CLCNKA: variants seen among roughly 807,000 people sequenced by gnomAD.
The protein encoded by CLCNKA is chloride channel protein ClC-Ka.
In CLCNKA, 66 loss-of-function variants were observed where a neutral mutation model predicts 83.3. The ratio of observed to expected loss-of-function variants is 0.79; its 90% confidence interval spans 0.65 to 0.97. The LOEUF (loss-of-function observed/expected upper bound fraction) is 0.97. Among genes scored for constraint, CLCNKA ranks in the 50% least tolerant of loss-of-function variants. The pLI is 0.00. For synonymous variants in CLCNKA, 357 were observed against 370.4 expected, an observed-to-expected ratio of 0.96 and a Z score of 0.42; for missense variants, 806 against 888.7, an observed-to-expected ratio of 0.91 and a Z score of 1.18.
chr1:16,027,987 G>A (rs2022439319), intron 9 of CLCNKA, 31 bp from the exon 10 acceptor site: 1 of 1,613,862 alleles, frequency 6.2e-7, no homozygotes, highest in Admixed American at 1.7e-5. Context: ...ACTGGGGTCA[G>A]GCTCTGGTCT....
intron 14 of CLCNKA, 124 bp from the exon 15 acceptor site, chr1:16,030,337 C>A (rs577915235): frequency 1.6e-6 from 2 of 1,243,340 alleles, no homozygotes; most frequent in Non-Finnish European, 2.3e-6. Flanking sequence ...CCCACAGTGC[C>A]CAGGCTGTGG....
chr1:16,029,883 G>T lies in CLCNKA; in HGVS notation c.1298-82G>T, dbSNP rs2124047457. On this transcript the variant is annotated intron_variant, in intron 13 of 19. Coordinates refer to ENST00000331433, the MANE Select transcript of CLCNKA (RefSeq NM_004070.4). The stretch of plus-strand genomic sequence containing the variant: ...ATCCTGGTTCACCCTCTTCCCGGGT[G>T]GTACTAAGGATGGTCCTCAGGGATG... 4 of 1,604,138 alleles carry T rather than the reference G, an allele frequency of 2.5e-6. No individual in the cohort carries two copies. In the East Asian group the frequency reaches 8.9e-5, roughly 36 times the overall value.
chr1:16,030,242 C>T (rs2022568951), intron 14 of CLCNKA, among the ~76,000 whole-genome samples, 167 bp downstream of exon 14: 2 of 152,176 alleles, frequency 1.3e-5, no homozygotes, highest in Non-Finnish European at 2.9e-5. Context: ...TCCCCGGGGC[C>T]CATCACTTCC....
Position 16,032,226 on chromosome 1 carries a change from G to A in CLCNKA, c.1780G>A (p.Val594Met), listed in dbSNP as rs750849269. 25 of 1,612,436 alleles carry A rather than the reference G, an allele frequency of 1.6e-5. No homozygotes were observed. Among genetic ancestry groups the A allele is most frequent in the East Asian group, 1.3e-4 (6 of 44,864 alleles). ...AGAGTCCCAGATCCTGGTAGGCATC[G>A]TGCAGAGGGCCCAGCTGGTGCAGGC... ...STESQILVGI[V>M]QRAQLVQALQ... The change falls in exon 17 of 20, where the codon GTG becomes ATG. Residue 594 changes from valine to methionine, a missense_variant. Transcript: ENST00000331433.
chr1:16,023,674 C>T, intron 2 of CLCNKA, 126 bp from the exon 3 acceptor site: 1 of 1,108,628 alleles, frequency 9.0e-7, no homozygotes, highest in Non-Finnish European at 1.3e-6. Flanking sequence ...AGGCGGGGCC[C>T]CCTCAGGACT....
chr1:16,031,129 C>T lies in CLCNKA; in HGVS notation c.1622+455C>T, dbSNP rs548750920. 1.1e-4 allele frequency among the ~76,000 whole-genome samples: 17 copies of T among 152,328 alleles called. No homozygotes were observed. The East Asian group carries it at 3.3e-3, about 29-fold the overall frequency. On this transcript the variant is annotated intron_variant, in intron 15 of 19. Coordinates refer to ENST00000331433, the MANE Select transcript of CLCNKA (RefSeq NM_004070.4). ...CTCACTCAACCAGATAGGACCAGAG[C>T]AGCTTCTGGCGCCAGAAAAGCAGAC...
chr1:16,029,390 G>T, intron 12 of CLCNKA, 91 bp downstream of exon 12: 1 of 1,575,520 alleles, frequency 6.3e-7, no homozygotes, highest in Non-Finnish European at 8.7e-7. Flanking sequence ...GTGGCATGGA[G>T]CCCAGGCCTC....
chr1:16,033,241 C>G lies in CLCNKA; in HGVS notation c.2001C>G (p.Cys667Trp), dbSNP rs762137628. 1.2e-6 allele frequency: 2 copies of G among 1,613,972 alleles called. No homozygotes were observed. The highest frequency in any genetic ancestry group is 1.7e-4 in the Middle Eastern group (1 of 6,058). ...FVTSRGRAVG[C>W]VSWVEMKKAI... ...CATCGCGGGGCAGAGCTGTGGGCTGCGTGTCCTGGGTGGAGGTACCAGGGT... is the reference window on the plus strand; with the variant it reads ...CATCGCGGGGCAGAGCTGTGGGCTGGGTGTCCTGGGTGGAGGTACCAGGGT... Residue 667 changes from cysteine (C) to tryptophan (W), a missense_variant, in exon 19 of 20, where the codon TGC becomes TGG. By Grantham distance (215) the Cys-to-Trp change is radical (BLOSUM62 -2). Transcript: ENST00000331433.
chr1:16,031,665 G>C (rs1342380018), intron 15 of CLCNKA, 45 bp from the exon 16 acceptor site: 13 of 1,613,028 alleles, frequency 8.1e-6, no homozygotes, highest in Non-Finnish European at 1.1e-5. Context: ...GCCTGGGTCT[G>C]ACATCCCCGA....
chr1:16,030,605 C>T lies in CLCNKA; in HGVS notation c.1553C>T (p.Ser518Phe). 6.2e-7 allele frequency: 1 copy of T among 1,613,106 alleles called. No individual in the cohort carries two copies. The highest frequency in any genetic ancestry group is 8.5e-7 in the Non-Finnish European group (1 of 1,180,040). Residue 518 changes from serine to phenylalanine, a missense_variant, in exon 15 of 20, where the codon TCC becomes TTC. Transcript: ENST00000331433. ...ANAIAQSCQPSFYDGTIIVKK... is the reference protein window; with the variant it reads ...ANAIAQSCQPFFYDGTIIVKK... Reference sequence around the variant, plus strand: ...GCCATTGCACAGAGCTGCCAGCCCTCCTTCTATGATGGCACCATCATTGTC... The same window carrying T: ...GCCATTGCACAGAGCTGCCAGCCCTTCTTCTATGATGGCACCATCATTGTC...
intron 3 of CLCNKA, 69 bp from the exon 4 acceptor site, chr1:16,024,694 G>A (rs2022274379): frequency 4.4e-6 from 7 of 1,602,372 alleles, no homozygotes; most frequent in Middle Eastern, 4.0e-4. Context: ...CAGTAAGTGG[G>A]CACCACAGTG....
chr1:16,029,964 G>C lies in CLCNKA; in HGVS notation c.1298-1G>C. 1.2e-6 allele frequency: 2 copies of C among 1,610,570 alleles called. No homozygotes were observed. Among genetic ancestry groups the C allele is most frequent in the Non-Finnish European group, 1.7e-6 (2 of 1,177,044 alleles). ...CCCCCTCACCCTAAGTCTGTGGCCA[G>C]GAGCTGCCATCGGGCGCCTCTTGGG... On this transcript the variant is annotated splice_acceptor_variant, in intron 13 of 19. Coordinates refer to ENST00000331433, the MANE Select transcript of CLCNKA (RefSeq NM_004070.4). LOFTEE classifies it high-confidence loss of function.
At chr1:16,032,597 T>G in intron 18 of CLCNKA, 71 bp downstream of exon 18, 4 of 1,223,146 alleles carry the variant, frequency 3.3e-6, no homozygotes, top group Non-Finnish European at 4.8e-6. Flanking sequence ...GAGCTCAGGC[T>G]CCAGCCTCCC....
rs17855678 is a variant in CLCNKA, at chr1:16,023,900, G to T, written c.201G>T (p.Met67Ile). 6.2e-7 allele frequency: 1 copy of T among 1,614,072 alleles called. No individual in the cohort carries two copies. Among genetic ancestry groups the T allele is most frequent in the Admixed American group, 1.7e-5 (1 of 60,008 alleles). ...TCATGGCCCTGGTCAGCTATGCCAT[G>T]AACTTTGCCATCGGGTGTGTGGTCC... ...GVLMALVSYA[M>I]NFAIGCVVRA... The change falls in exon 3 of 20, where the codon ATG becomes ATT. Residue 67 changes from methionine (M) to isoleucine (I), a missense_variant. Physicochemically the swap from Met to Ile is conservative, Grantham distance 10. Coordinates refer to ENST00000331433, the MANE Select transcript of CLCNKA (RefSeq NM_004070.4).
rs2022520318 is a variant in CLCNKA at position 16,029,387 on chromosome 1, G to A, written c.1227+88G>A. ...GGTGCCTCCCTGCACCTGGTGGCAT[G>A]GAGCCCAGGCCTCTCACCCACACTT... On this transcript the variant is annotated intron_variant, in intron 12 of 19. Transcript: ENST00000331433. 5 of 1,585,742 alleles carry A rather than the reference G, an allele frequency of 3.2e-6. No individual in the cohort carries two copies. The Admixed American group carries it at 6.9e-5, about 22-fold the overall frequency.
In CLCNKA at chr1:16,022,697, C is replaced by T; in HGVS notation, c.78C>T (p.Pro26=). The T allele has an allele frequency of 6.5e-7, 1 of 1,546,686 alleles. No individual in the cohort carries two copies. Among genetic ancestry groups the T allele is most frequent in the Non-Finnish European group, 8.7e-7 (1 of 1,145,074 alleles). ...TGCAGGAGCTGTGGGGCCCCTGTCCCCACATCCGCCGAGCCATCCAAGGTG... is the reference window on the plus strand; with the variant it reads ...TGCAGGAGCTGTGGGGCCCCTGTCCTCACATCCGCCGAGCCATCCAAGGTG... ...VTLQELWGPC[P]HIRRAIQGGL... is the part of the protein sequence containing the mutation. Residue 26 remains proline, a synonymous_variant, in exon 2 of 20, where the codon CCC becomes CCT. Transcript: ENST00000331433.
At chr1:16,032,797 C>G (rs1453057660) in intron 18 of CLCNKA, among the ~76,000 whole-genome samples, 1 of 152,226 alleles carries the variant, frequency 6.6e-6, no homozygotes, top group African/African-American at 2.4e-5. Flanking sequence ...GGCACACGTG[C>G]GTTTCAATTT....
chr1:16,022,292 A>G (rs1172982047), intron 1 of CLCNKA, among the ~76,000 whole-genome samples: 1 of 152,096 alleles, frequency 6.6e-6, no homozygotes, highest in African/African-American at 2.4e-5. Context: ...TGAGAGAGTC[A>G]CAGCCCTGGG....
rs1036082722 is a variant in CLCNKA at position 16,022,699 on chromosome 1, A to G, written c.80A>G (p.His27Arg). The G allele has an allele frequency of 1.3e-6, 2 of 1,542,784 alleles. No homozygotes were observed. Among genetic ancestry groups the G allele is most frequent in the Non-Finnish European group, 1.7e-6 (2 of 1,143,012 alleles). The change falls in exon 2 of 20, where the codon CAC becomes CGC. Residue 27 changes from histidine (H) to arginine (R), a missense_variant. His to Arg is a conservative substitution (Grantham distance 29). Coordinates refer to ENST00000331433, the MANE Select transcript of CLCNKA (RefSeq NM_004070.4). ...CAGGAGCTGTGGGGCCCCTGTCCCCACATCCGCCGAGCCATCCAAGGTGAG... is the reference window on the plus strand; with the variant it reads ...CAGGAGCTGTGGGGCCCCTGTCCCCGCATCCGCCGAGCCATCCAAGGTGAG... ...TLQELWGPCP[H>R]IRRAIQGGLE...
Sources: gnomAD v4.1 joint callset for allele counts (sites outside exome capture counted in the v4.1 genomes callset) on GRCh38, gnomAD v4.1.1 for gene constraint, MANE v1.5 for transcripts, NCBI Gene and HGNC (gene_info 2026-07-23, HGNC 2026-07-21) for gene names.